MAST3: variants seen among roughly 807,000 people sequenced by gnomAD.
MAST3 encodes the protein microtubule associated serine/threonine kinase 3, also known as microtubule-associated serine/threonine-protein kinase 3.
MAST3 carries 43 observed loss-of-function variants against 127.0 expected under a neutral mutation model. The observed-to-expected ratio is 0.34, with a 90% CI of 0.27 to 0.44. The LOEUF (loss-of-function observed/expected upper bound fraction) is 0.44, where lower values mean the gene tolerates loss of function less well. MAST3 is among the 20% of genes least tolerant of loss of function. The probability of loss-of-function intolerance (pLI) is 1.00; values close to 1 mark genes in which losing one functional copy is unlikely to be tolerated. For synonymous variants in MAST3, 785 were observed against 809.2 expected, an observed-to-expected ratio of 0.97 and a Z score of 0.51; for missense variants, 1,390 against 1,919.1, an observed-to-expected ratio of 0.72 and a Z score of 5.15.
chr19:18,123,215 A>G lies in MAST3; in HGVS notation c.400-2A>G. ...GCTCTGATCCCCACCACTCTCTACCAGTCAAGCTCATCCTCCCGGGAACGT... is the reference window on the plus strand; with the variant it reads ...GCTCTGATCCCCACCACTCTCTACCGGTCAAGCTCATCCTCCCGGGAACGT... On this transcript the variant is annotated splice_acceptor_variant, in intron 6 of 27. Transcript: ENST00000687212. LOFTEE classifies it high-confidence loss of function. 1 of 1,613,558 alleles carries G rather than the reference A, an allele frequency of 6.2e-7. No individual in the cohort carries two copies. The highest frequency in any genetic ancestry group is 8.5e-7 in the Non-Finnish European group (1 of 1,179,856).
At position 18,150,031 on chromosome 19, in the gene MAST3, G is replaced by A; in HGVS notation, c.*305G>A. ...AGACAGAGTCTCACTCTGTTGCCCGGGCTGGAGTGCAGCGGCGTGATCTCA... is the reference window on the plus strand; with the variant it reads ...AGACAGAGTCTCACTCTGTTGCCCGAGCTGGAGTGCAGCGGCGTGATCTCA... On this transcript the variant is annotated 3_prime_UTR_variant, in exon 28 of 28. Coordinates refer to ENST00000687212, the MANE Select transcript of MAST3 (RefSeq NM_001393504.1). 3.1e-6 allele frequency: 1 copy of A among 319,998 alleles called. No individual in the cohort carries two copies. Among genetic ancestry groups the A allele is most frequent in the Non-Finnish European group, 5.8e-6 (1 of 173,434 alleles). 19.8% of individuals were successfully genotyped at this position (319,998 alleles called of 1,614,324 possible).
chr19:18,131,813 A>G, intron 14 of MAST3, 96 bp from the exon 15 acceptor site: 4 of 1,400,876 alleles, frequency 2.9e-6, no homozygotes, highest in Non-Finnish European at 3.9e-6. Flanking sequence ...GCAGGAGGTA[A>G]AGCGAGGAGG....
Position 18,128,972 on chromosome 19 carries a change from T to C in MAST3, c.1223+21T>C, listed in dbSNP as rs778912619. The C allele has an allele frequency of 6.8e-6, 11 of 1,606,312 alleles. 1 individual carries two copies. In the South Asian group the frequency reaches 1.1e-4, roughly 16 times the overall value. On this transcript the variant is annotated intron_variant, in intron 13 of 27. Coordinates refer to ENST00000687212, the MANE Select transcript of MAST3 (RefSeq NM_001393504.1). ...TATGGGTGAGTCCCTGAGTCCTGCATAGACCCATTTCACAGATGCCTGAGG... is the reference window on the plus strand; with the variant it reads ...TATGGGTGAGTCCCTGAGTCCTGCACAGACCCATTTCACAGATGCCTGAGG...
intron 27 of MAST3, 97 bp downstream of exon 27, chr19:18,147,721 C>T (rs762506440): frequency 9.2e-6 from 8 of 866,828 alleles, no homozygotes; most frequent in Non-Finnish European, 1.4e-5. Flanking sequence ...TGGAATGACA[C>T]GATGTAGGGA....
At chr19:18,107,548 G>T (rs761906022) in intron 1 of MAST3, 39 bp from the exon 2 acceptor site, 3 of 1,611,468 alleles carry the variant, frequency 1.9e-6, no homozygotes, top group Non-Finnish European at 2.5e-6. Flanking sequence ...CTGAGGGCTA[G>T]TCTCTCTGAG....
chr19:18,107,493 G>C (rs774432200), intron 1 of MAST3, 94 bp from the exon 2 acceptor site: 257 of 1,239,028 alleles, frequency 2.1e-4, no homozygotes, highest in Non-Finnish European at 4.5e-5. Context: ...CATTGGTTGG[G>C]GCATGGGATT....
Position 18,145,906 on chromosome 19 carries a change from C to T in MAST3, c.3162+41C>T. ...TGCCCACCCTCAGGGCTCCCCAGCA[C>T]CCCTTGGCCGCAGCTCCCGGTTCCC... On this transcript the variant is annotated intron_variant, in intron 25 of 27. Transcript: ENST00000687212. The surrounding 1 kb of genome is among the most constrained non-coding windows in gnomAD (Gnocchi z 5.9). 2.0e-6 allele frequency: 3 copies of T among 1,534,546 alleles called. No homozygotes were observed. The highest frequency in any genetic ancestry group is 2.6e-6 in the Non-Finnish European group (3 of 1,149,746).
At chr19:18,129,955 G>T (rs948429796) in intron 13 of MAST3, among the ~76,000 whole-genome samples, 1 of 145,798 alleles carries the variant, frequency 6.9e-6, no homozygotes, top group Admixed American at 6.9e-5. Flanking sequence ...AAGAAAGAAA[G>T]AAATACACAA....
chr19:18,119,848 C>T (rs1213202800), intron 3 of MAST3, among the ~76,000 whole-genome samples: 2 of 152,190 alleles, frequency 1.3e-5, no homozygotes, highest in Non-Finnish European at 2.9e-5. Context: ...TGACCTGCTC[C>T]GAGCATTCTG....
Position 18,151,232 on chromosome 19 carries a change from A to G in MAST3, c.*1506A>G, listed in dbSNP as rs918747609. On this transcript the variant is annotated 3_prime_UTR_variant, in exon 28 of 28. Transcript: ENST00000687212. ...ACAAGACTAATCCCATTGACTGTTT[A>G]TTAAGCACCTACTGTGTGCCAAGCG... The G allele has an allele frequency of 8.5e-5, 13 of 152,184 alleles. No homozygotes were observed. Among genetic ancestry groups the G allele is most frequent in the Admixed American group, 3.9e-4 (6 of 15,278 alleles). The allele number at this position is 152,184 out of a possible 1,614,324, so 9.4% of individuals were successfully genotyped here. A position where few individuals can be genotyped will look rare whatever the true frequency, so the allele number is the denominator to read the frequency against.
At chr19:18,118,408 C>T (rs545093948) in intron 3 of MAST3, among the ~76,000 whole-genome samples, 1 of 152,298 alleles carries the variant, frequency 6.6e-6, no homozygotes, top group Non-Finnish European at 1.5e-5. Context: ...GAGGTGTCCC[C>T]TGGGGTCCCT....
Position 18,121,741 on chromosome 19 carries a change from C to T in MAST3, c.218C>T (p.Ser73Phe). ...LVVGTPSPTL[S>F]RPLSPLSVPT... Reference sequence around the variant, plus strand: ...GTAGGAACGCCCTCCCCGACCCTCTCCCGGCCCCTGTCGCCATTGTCGGTC... The same window carrying T: ...GTAGGAACGCCCTCCCCGACCCTCTTCCGGCCCCTGTCGCCATTGTCGGTC... The change falls in exon 4 of 28, where the codon TCC (serine) becomes TTC (phenylalanine). Residue 73 changes from serine (S) to phenylalanine (F), a missense_variant. Around this residue, in one of 5 missense-constraint regions of MAST3, gnomAD observed 45 missense variants for 113.0 expected, o/e 0.40. Transcript: ENST00000687212. 1 of 1,614,030 alleles carries T rather than the reference C, an allele frequency of 6.2e-7. No individual in the cohort carries two copies. The highest frequency in any genetic ancestry group is 8.5e-7 in the Non-Finnish European group (1 of 1,179,900).
chr19:18,101,882 CT>C (rs760652186), intron 1 of MAST3, among the ~76,000 whole-genome samples: 97 of 69,344 alleles, frequency 1.4e-3, no homozygotes, highest in East Asian at 2.7e-3. Flanking sequence ...GCCTCAAACT[CT>C]TTTTTTTTTT....
intron 1 of MAST3, chr19:18,099,012 G>A (rs2037292598): frequency 6.3e-6 from 2 of 318,566 alleles, no homozygotes; most frequent in African/African-American, 2.2e-5. Flanking sequence ...AGCGGGGGGC[G>A]GTATTTAGGG....
chr19:18,141,892 G>T lies in MAST3; in HGVS notation c.2216G>T (p.Ser739Ile). 1 of 1,486,102 alleles carries T rather than the reference G, an allele frequency of 6.7e-7. No homozygotes were observed. The highest frequency in any genetic ancestry group is 9.0e-7 in the Non-Finnish European group (1 of 1,110,732). The allele number at this position is 1,486,102 out of a possible 1,614,324, so 92.1% of individuals were successfully genotyped here. Reference sequence around the variant, plus strand: ...TGTCTTGCCTCCCAGGTCTACAGCAGCTCTGAGTTCCTGGCCGTCCAGCCC... The same window carrying T: ...TGTCTTGCCTCCCAGGTCTACAGCATCTCTGAGTTCCTGGCCGTCCAGCCC... ...CSHRFSKVYSSSEFLAVQPTP... is the reference protein window; with the variant it reads ...CSHRFSKVYSISEFLAVQPTP... The change falls in exon 21 of 28, where the codon AGC becomes ATC. Residue 739 changes from serine (S) to isoleucine (I), a missense_variant. Coordinates refer to ENST00000687212, the MANE Select transcript of MAST3 (RefSeq NM_001393504.1).
intron 5 of MAST3, 106 bp from the exon 6 acceptor site, chr19:18,122,567 C>G: frequency 2.2e-6 from 2 of 928,714 alleles, no homozygotes. Context: ...TCAGGAGATC[C>G]TTCCTACAAC....
chr19:18,144,600 A>G lies in MAST3; in HGVS notation c.2719A>G (p.Arg907Gly). The change falls in exon 23 of 28, where the codon AGA becomes GGA. Residue 907 changes from arginine (R) to glycine (G), a missense_variant. Transcript: ENST00000687212. This position sits in a 1 kb window ranked among gnomAD's most constrained non-coding sequence, Gnocchi z 4.0. Reference protein sequence around the residue: ...GPRDPAPEKSRASSSGGSGGG... With the variant: ...GPRDPAPEKSGASSSGGSGGG... Reference sequence around the variant, plus strand: ...AAGAGACCCAGCCCCTGAGAAGTCCAGAGCCTCCTCCAGCGGTGGCAGTGG... The same window carrying G: ...AAGAGACCCAGCCCCTGAGAAGTCCGGAGCCTCCTCCAGCGGTGGCAGTGG... 1.2e-6 allele frequency: 2 copies of G among 1,611,644 alleles called. No individual in the cohort carries two copies. The highest frequency in any genetic ancestry group is 1.7e-6 in the Non-Finnish European group (2 of 1,179,672).
Position 18,134,974 on chromosome 19 carries a change from T to A in MAST3, c.1862T>A (p.Val621Glu). 6.2e-7 allele frequency: 1 copy of A among 1,607,508 alleles called. No homozygotes were observed. The highest frequency in any genetic ancestry group is 8.5e-7 in the Non-Finnish European group (1 of 1,175,526). The change falls in exon 17 of 28, where the codon GTG becomes GAG. Residue 621 changes from valine to glutamate, a missense_variant. Val to Glu is a moderately radical substitution (Grantham distance 121, BLOSUM62 -2). Coordinates refer to ENST00000687212, the MANE Select transcript of MAST3 (RefSeq NM_001393504.1). ...ACCCCCGAGGAACTCTTCGGTCAGGTGGTCAGCGGTGCGTTTCCTCCACGG... is the reference window on the plus strand; with the variant it reads ...ACCCCCGAGGAACTCTTCGGTCAGGAGGTCAGCGGTGCGTTTCCTCCACGG... Reference protein sequence around the residue: ...GDTPEELFGQVVSDEIMWPEG... With the variant: ...GDTPEELFGQEVSDEIMWPEG...
At chr19:18,098,474 A>G (rs1292643524) in intron 1 of MAST3, among the ~76,000 whole-genome samples, 2 of 152,070 alleles carry the variant, frequency 1.3e-5, no homozygotes, top group Non-Finnish European at 2.9e-5. Context: ...CAGTTTTCCA[A>G]TGAGCCATAG....
Sources: gnomAD v4.1 joint callset for allele counts (sites outside exome capture counted in the v4.1 genomes callset) on GRCh38, gnomAD v4.1.1 for gene constraint, gnomAD v4.1.1 regional missense constraint, Gnocchi (gnomAD v3.1) non-coding constraint, MANE v1.5 for transcripts, NCBI Gene and HGNC (gene_info 2026-07-23, HGNC 2026-07-21) for gene names.